The following ADGRB3 variants were observed in gnomAD, a reference collection of about 807,000 sequenced individuals.
ADGRB3 encodes the protein adhesion G protein-coupled receptor B3, also known as brain-specific angiogenesis inhibitor 3.
In ADGRB3, 37 loss-of-function variants were observed where a neutral mutation model predicts 193.4. The observed-to-expected ratio is 0.19, with a 90% CI of 0.15 to 0.25. ADGRB3 has a LOEUF of 0.25. ADGRB3 is among the 10% of genes least tolerant of loss of function. ADGRB3 has a pLI of 1.00. For missense variants in ADGRB3, 1,637 were observed against 1,852.9 expected (o/e 0.88, Z 2.14); for synonymous variants, 690 against 644.2 (o/e 1.07, Z -1.08).
chr6:69,168,260 G>T (rs1775180396), intron 17 of ADGRB3, among the ~76,000 whole-genome samples: 1 of 152,070 alleles, frequency 6.6e-6, no homozygotes, highest in Admixed American at 6.6e-5. Context: ...AAAATGCTGG[G>T]TTCAATTTCA....
intron 3 of ADGRB3, among the ~76,000 whole-genome samples, chr6:68,646,165 A>G (rs1041015095): frequency 3.9e-5 from 6 of 152,038 alleles, no homozygotes; most frequent in Admixed American, 1.3e-4. Flanking sequence ...CCAGGATGGA[A>G]AAAGTTAACA....
chr6:68,752,865 G>A (rs1323524381), intron 3 of ADGRB3, among the ~76,000 whole-genome samples: 2 of 152,160 alleles, frequency 1.3e-5, no homozygotes, highest in South Asian at 2.1e-4. Context: ...GGGAAAAATT[G>A]TAAGCAAACT....
At chr6:68,806,918 C>T (rs1441245958) in intron 3 of ADGRB3, among the ~76,000 whole-genome samples, 1 of 152,002 alleles carries the variant, frequency 6.6e-6, no homozygotes, top group African/African-American at 2.4e-5. Flanking sequence ...TCAGAAACCT[C>T]GGATAAATTC....
chr6:68,777,629 A>G (rs903412849), intron 3 of ADGRB3, among the ~76,000 whole-genome samples: 28 of 150,540 alleles, frequency 1.9e-4, no homozygotes, highest in Admixed American at 1.9e-3. Flanking sequence ...TAATGGGACC[A>G]AAGGGATTAG....
chr6:69,124,117 T>C (rs967217601), intron 17 of ADGRB3, among the ~76,000 whole-genome samples: 1 of 152,172 alleles, frequency 6.6e-6, no homozygotes, highest in Non-Finnish European at 1.5e-5. Context: ...GTGACATTTT[T>C]AACTCTCTGT....
chr6:68,951,887 A>C (rs1009071466), intron 6 of ADGRB3, among the ~76,000 whole-genome samples: 4 of 152,122 alleles, frequency 2.6e-5, no homozygotes, highest in Non-Finnish European at 4.4e-5. Flanking sequence ...GCCTGCCTGC[A>C]GGGTTGAAGG....
chr6:69,361,424 T>G lies in ADGRB3; in HGVS notation c.4151T>G (p.Val1384Gly), dbSNP rs769053855. Residue 1384 changes from valine (V) to glycine (G), a missense_variant, in exon 29 of 32, where the codon GTG (valine) becomes GGG (glycine). Around this residue, in one of 7 missense-constraint regions of ADGRB3, gnomAD observed 368 missense variants for 367.4 expected, o/e 1.00. Transcript: ENST00000370598. ...TTGCCCTTTGAACCTCGCACAGCTG[T>G]GAAGAATTTCATGGCCTCTGAGTTG... ...QNLPFEPRTA[V>G]KNFMASELDD... 1 of 1,612,978 alleles carries G rather than the reference T, an allele frequency of 6.2e-7. No homozygotes were observed. The highest frequency in any genetic ancestry group is 1.7e-4 in the Middle Eastern group (1 of 6,054).
intron 17 of ADGRB3, among the ~76,000 whole-genome samples, chr6:69,211,454 G>A (rs964964783): frequency 7.2e-5 from 11 of 152,174 alleles, no homozygotes; most frequent in Middle Eastern, 3.4e-3. Context: ...TTGCGTGTGT[G>A]TGCATCTAGT....
At chr6:69,330,610 A>C in intron 23 of ADGRB3, 38 bp downstream of exon 23, 1 of 1,457,684 alleles carries the variant, frequency 6.9e-7, no homozygotes, top group Non-Finnish European at 9.2e-7. Context: ...TTTCTTAGGA[A>C]AAAAAAAAAA....
intron 17 of ADGRB3, among the ~76,000 whole-genome samples, chr6:69,111,500 A>G (rs1773365244): frequency 6.6e-6 from 1 of 152,214 alleles, no homozygotes; most frequent in Admixed American, 6.5e-5. Context: ...CATTTAGATA[A>G]AACTGTCAAG....
At chr6:69,214,927 A>C (rs749215844) in intron 17 of ADGRB3, among the ~76,000 whole-genome samples, 8 of 152,100 alleles carry the variant, frequency 5.3e-5, no homozygotes, top group Admixed American at 1.3e-4. Context: ...AGTGAGGAAC[A>C]AGACCTACGC....
intron 3 of ADGRB3, among the ~76,000 whole-genome samples, chr6:68,648,016 T>G (rs1388443981): frequency 2.0e-5 from 3 of 152,142 alleles, no homozygotes; most frequent in African/African-American, 7.2e-5. Context: ...AATTTAAAAA[T>G]ATCATCTATG....
At chr6:68,816,695 T>C (rs1365897180) in intron 3 of ADGRB3, among the ~76,000 whole-genome samples, 4 of 152,002 alleles carry the variant, frequency 2.6e-5, no homozygotes, top group African/African-American at 7.2e-5. Flanking sequence ...TCTCTTTACT[T>C]TGCCTTAAAA....
At chr6:69,016,198 A>T (rs1482130085) in intron 12 of ADGRB3, among the ~76,000 whole-genome samples, 2 of 152,010 alleles carry the variant, frequency 1.3e-5, no homozygotes, top group East Asian at 1.9e-4. Context: ...AAACAGAAAA[A>T]GTTTGCCAAC....
intron 5 of ADGRB3, among the ~76,000 whole-genome samples, chr6:68,941,470 C>T (rs1767639876): frequency 6.6e-6 from 1 of 151,984 alleles, no homozygotes; most frequent in Middle Eastern, 3.4e-3. Context: ...TTAACTAAGC[C>T]ATCAAGGTTA....
chr6:69,148,995 G>C (rs1401307979), intron 17 of ADGRB3, among the ~76,000 whole-genome samples: 2 of 151,800 alleles, frequency 1.3e-5, no homozygotes, highest in Non-Finnish European at 2.9e-5. Context: ...TTTGATTATG[G>C]TCTCAAGATT....
chr6:68,927,916 A>T (rs1767227327), intron 3 of ADGRB3, among the ~76,000 whole-genome samples: 1 of 152,162 alleles, frequency 6.6e-6, no homozygotes, highest in Non-Finnish European at 1.5e-5. Flanking sequence ...TGATTATGTA[A>T]TAAGTTTGTA....
At chr6:69,199,682 C>T (rs937640612) in intron 17 of ADGRB3, among the ~76,000 whole-genome samples, 1 of 151,920 alleles carries the variant, frequency 6.6e-6, no homozygotes, top group African/African-American at 2.4e-5. Flanking sequence ...TAAATGTATC[C>T]CAAAACAGTA....
At chr6:68,804,501 T>C (rs973055754) in intron 3 of ADGRB3, among the ~76,000 whole-genome samples, 6 of 152,194 alleles carry the variant, frequency 3.9e-5, no homozygotes, top group Non-Finnish European at 8.8e-5. Flanking sequence ...TGTTCAGTTA[T>C]GTTAGTCTAT....
Sources: allele counts gnomAD v4.1 joint callset (sites outside exome capture counted in the v4.1 genomes callset), GRCh38; gene constraint gnomAD v4.1.1; regional missense constraint gnomAD v4.1.1; transcripts MANE v1.5; gene names NCBI Gene and HGNC (gene_info 2026-07-23, HGNC 2026-07-21).